The following LRRC4C variants were observed in gnomAD, a reference collection of about 807,000 sequenced individuals.
LRRC4C encodes the protein leucine-rich repeat-containing protein 4C.
A neutral mutation model predicts 33.6 loss-of-function variants in LRRC4C; 5 were observed. The observed-to-expected ratio is 0.15, with a 90% CI of 0.08 to 0.31. The LOEUF (loss-of-function observed/expected upper bound fraction) is 0.31, where lower values mean the gene tolerates loss of function less well. Among genes scored for constraint, LRRC4C ranks in the 10% least tolerant of loss-of-function variants. The pLI, the probability that LRRC4C is intolerant of heterozygous loss-of-function variation, is 1.00. For synonymous variants in LRRC4C, 329 were observed against 302.0 expected, an observed-to-expected ratio of 1.09 and a Z score of -0.93; for missense variants, 560 against 796.7, an observed-to-expected ratio of 0.70 and a Z score of 3.58.
In LRRC4C at chr11:41,131,292, T is replaced by C. The variant is rs1482541476; in HGVS notation, c.-495-197569A>G. Among the ~76,000 whole-genome samples the C allele has an allele frequency of 2.6e-5, 4 of 152,048 alleles. No homozygotes were observed. The East Asian group carries it at 7.7e-4, about 29-fold the overall frequency. On this transcript the variant is annotated intron_variant, in intron 1 of 6. Coordinates refer to ENST00000528697, the MANE Select transcript of LRRC4C (RefSeq NM_001258419.2). ...TCCATTATAATGATAGTTCTAACCT[T>C]TACTTCTGTCTTCTCTCCATTCATC...
At chr11:41,133,351 A>G (rs945053824) in intron 1 of LRRC4C, among the ~76,000 whole-genome samples, 2 of 152,174 alleles carry the variant, frequency 1.3e-5, no homozygotes, top group African/African-American at 4.8e-5. Context: ...GGAGGAGAGC[A>G]AATAGATAAA....
At chr11:40,462,016 T>C (rs1952421371) in intron 3 of LRRC4C, among the ~76,000 whole-genome samples, 1 of 151,878 alleles carries the variant, frequency 6.6e-6, no homozygotes, top group South Asian at 2.1e-4. Context: ...AGTGGATACT[T>C]TTATTCTACA....
chr11:40,302,965 GA>G (rs1944849340), intron 4 of LRRC4C, among the ~76,000 whole-genome samples: 1 of 152,152 alleles, frequency 6.6e-6, no homozygotes, highest in Non-Finnish European at 1.5e-5. Flanking sequence ...GTGTGGCAGG[GA>G]AGAAGATAAA....
chr11:40,451,366 C>CTTTT lies in LRRC4C; in HGVS notation c.-269-131649_-269-131646dup, dbSNP rs71060962. On this transcript the variant is annotated intron_variant, in intron 3 of 6. Coordinates refer to ENST00000528697, the MANE Select transcript of LRRC4C (RefSeq NM_001258419.2). Reference sequence around the variant, plus strand: ...ACTATTAGCCTTACAGAAATAATGACTTTTTTTTTTTTTTTTTTTTTTTTT... The same window carrying CTTTT: ...ACTATTAGCCTTACAGAAATAATGACTTTTTTTTTTTTTTTTTTTTTTTTTTTTT... Among the ~76,000 whole-genome samples the CTTTT allele has an allele frequency of 1.6e-3, 74 of 47,088 alleles. 26 individuals are homozygous for CTTTT. The highest frequency in any genetic ancestry group is 3.4e-3 in the African/African-American group (37 of 10,754). 30.9% of individuals were successfully genotyped at this position (47,088 alleles called of 152,430 possible). A position where few individuals can be genotyped will look rare whatever the true frequency, so the allele number is the denominator to read the frequency against.
At chr11:40,824,087 A>T (rs1329521932) in intron 2 of LRRC4C, among the ~76,000 whole-genome samples, 1 of 151,948 alleles carries the variant, frequency 6.6e-6, no homozygotes. Flanking sequence ...AATTTCCAAA[A>T]AAAGGAAAAT....
intron 1 of LRRC4C, among the ~76,000 whole-genome samples, chr11:41,081,696 C>CA (rs201713228): frequency 0.016 from 2,424 of 151,918 alleles, 40 homozygotes; most frequent in Middle Eastern, 0.054. Flanking sequence ...GCAGAATAAA[C>CA]AAAAAAATAT....
intron 3 of LRRC4C, among the ~76,000 whole-genome samples, chr11:40,366,156 T>C (rs1186957010): frequency 6.6e-6 from 1 of 152,086 alleles, no homozygotes; most frequent in East Asian, 1.9e-4. Flanking sequence ...TATAAACTGC[T>C]GTATGTGTCT....
intron 3 of LRRC4C, among the ~76,000 whole-genome samples, chr11:40,325,003 T>C (rs1384371078): frequency 1.3e-5 from 2 of 152,194 alleles, no homozygotes; most frequent in Admixed American, 6.5e-5. Flanking sequence ...GCTTAGCAAA[T>C]AGAAATGCTC....
At chr11:40,336,974 CTCAAAAAAAAA>C (rs1447711916) in intron 3 of LRRC4C, among the ~76,000 whole-genome samples, 2 of 59,670 alleles carry the variant, frequency 3.4e-5, no homozygotes, top group East Asian at 3.8e-4. Context: ...GAGACTTCGT[CTCAAAAAAAAA>C]AAAAAAAAAA....
intron 3 of LRRC4C, among the ~76,000 whole-genome samples, chr11:40,525,825 G>T (rs1030014451): frequency 7.9e-5 from 12 of 151,964 alleles, no homozygotes; most frequent in Non-Finnish European, 1.8e-4. Flanking sequence ...TATACTCCCA[G>T]ATATCGAGAT....
intron 5 of LRRC4C, among the ~76,000 whole-genome samples, chr11:40,210,714 T>C (rs575197578): frequency 1.3e-5 from 2 of 152,302 alleles, no homozygotes; most frequent in South Asian, 4.1e-4. Flanking sequence ...CTTGAGAGCA[T>C]TTGTATTGCT....
intron 1 of LRRC4C, among the ~76,000 whole-genome samples, chr11:41,212,129 C>G (rs897614470): frequency 6.6e-6 from 1 of 152,166 alleles, no homozygotes; most frequent in Admixed American, 6.5e-5. Flanking sequence ...GTCCTGGCAT[C>G]AGAGACAATA....
chr11:41,146,463 A>G (rs1313767197), intron 1 of LRRC4C, among the ~76,000 whole-genome samples: 1 of 152,198 alleles, frequency 6.6e-6, no homozygotes, highest in Non-Finnish European at 1.5e-5. Context: ...GTCTGCTACT[A>G]TAGAGAAAAA....
intron 1 of LRRC4C, among the ~76,000 whole-genome samples, chr11:41,050,392 C>T (rs112787564): frequency 0.012 from 1,798 of 152,244 alleles, 39 homozygotes; most frequent in African/African-American, 0.04. Context: ...CTGGCATCCA[C>T]GTTTTAGGTA....
At chr11:40,521,841 C>G (rs1466829174) in intron 3 of LRRC4C, among the ~76,000 whole-genome samples, 1 of 151,660 alleles carries the variant, frequency 6.6e-6, no homozygotes, top group Non-Finnish European at 1.5e-5. Context: ...TGTACTCCAG[C>G]CTGGTGACAG....
chr11:40,231,267 A>T (rs895122906), intron 5 of LRRC4C, among the ~76,000 whole-genome samples: 5 of 152,152 alleles, frequency 3.3e-5, no homozygotes, highest in Admixed American at 6.6e-5. Flanking sequence ...ATTTACAGTA[A>T]CTCCCCAGGA....
intron 3 of LRRC4C, among the ~76,000 whole-genome samples, chr11:40,453,123 T>C (rs1234757250): frequency 2.0e-5 from 3 of 152,114 alleles, no homozygotes; most frequent in Admixed American, 6.5e-5. Flanking sequence ...ATGGCACATG[T>C]ATACATATGT....
chr11:41,097,893 C>A (rs1940914317), intron 1 of LRRC4C, among the ~76,000 whole-genome samples: 1 of 152,084 alleles, frequency 6.6e-6, no homozygotes, highest in African/African-American at 2.4e-5. Flanking sequence ...AGTTTTAACA[C>A]ACCCCCATGC....
At chr11:40,341,443 A>T (rs1946861290) in intron 3 of LRRC4C, among the ~76,000 whole-genome samples, 2 of 148,922 alleles carry the variant, frequency 1.3e-5, no homozygotes, top group South Asian at 2.2e-4. Context: ...ATACTCAGTA[A>T]TGGGATTGCT....
Sources: gnomAD v4.1 joint callset for allele counts (sites outside exome capture counted in the v4.1 genomes callset) on GRCh38, gnomAD v4.1.1 for gene constraint, MANE v1.5 for transcripts, NCBI Gene and HGNC (gene_info 2026-07-23, HGNC 2026-07-21) for gene names.